Variants in ABHD2 observed in about 807,000 individuals in gnomAD.
ABHD2 encodes the protein monoacylglycerol lipase ABHD2.
In ABHD2, 20 loss-of-function variants were observed where a neutral mutation model predicts 48.1. That is an observed-to-expected ratio of 0.42 (90% CI 0.29 to 0.60). ABHD2 has a LOEUF of 0.60. Ranked by LOEUF, ABHD2 falls within the 20% of genes least tolerant of loss-of-function variation. ABHD2 has a pLI of 0.24. For synonymous variants in ABHD2, 209 were observed against 214.2 expected (o/e 0.98, Z 0.21); for missense variants, 405 against 550.9 (o/e 0.74, Z 2.65).
rs892298015 is a variant in ABHD2, at chr15:89,166,986, TATA to T, written c.539-8820_539-8818del. On this transcript the variant is annotated intron_variant, in intron 5 of 10. Coordinates refer to ENST00000352732, the MANE Select transcript of ABHD2 (RefSeq NM_152924.5). The surrounding 1 kb of genome is among the most constrained non-coding windows in gnomAD (Gnocchi z 4.6). ...TAAAAAGGGACTTTATTAATAACGTTATAATAATTCATAACTTTATTAATAACT... is the reference window on the plus strand; with the variant it reads ...TAAAAAGGGACTTTATTAATAACGTTATAATTCATAACTTTATTAATAACT... 8.1e-4 allele frequency among the ~76,000 whole-genome samples: 123 copies of T among 152,266 alleles called. No homozygotes were observed. Among genetic ancestry groups the T allele is most frequent in the African/African-American group, 2.9e-3 (120 of 41,544 alleles).
Position 89,151,163 on chromosome 15 carries a change from C to G in ABHD2, c.195-514C>G, listed in dbSNP as rs952830896. On this transcript the variant is annotated intron_variant, in intron 3 of 10. Transcript: ENST00000352732. The surrounding 1 kb of genome is among the most constrained non-coding windows in gnomAD (Gnocchi z 4.7). ...TCACCCCACAAGGCACTTACAGGCT[C>G]TTAGAAGAATTTGCAGCCCTTCCCA... Among the ~76,000 whole-genome samples the G allele has an allele frequency of 3.9e-5, 6 of 152,178 alleles. No individual in the cohort carries two copies. Among genetic ancestry groups the G allele is most frequent in the Non-Finnish European group, 8.8e-5 (6 of 68,030 alleles).
At position 89,193,100 on chromosome 15, in the gene ABHD2, C is replaced by T. The variant is rs1023407649; in HGVS notation, c.997-135C>T. 18 of 754,910 alleles carry T rather than the reference C, an allele frequency of 2.4e-5. No individual in the cohort carries two copies. In the South Asian group the frequency reaches 2.8e-4, roughly 12 times the overall value. The allele number at this position is 754,910 out of a possible 1,614,324, so 46.8% of individuals were successfully genotyped here. The stretch of plus-strand genomic sequence containing the variant: ...GAGAATACAAGGCGTCCTTCCTGTA[C>T]CTGTTCAGCAAGCTGAGCTGTGACC... On this transcript the variant is annotated intron_variant, in intron 9 of 10. Transcript: ENST00000352732.
chr15:89,162,703 CCA>C (rs930019303), intron 5 of ABHD2, among the ~76,000 whole-genome samples: 157 of 152,274 alleles, frequency 1.0e-3, no homozygotes, highest in African/African-American at 3.7e-3. Context: ...CCCCCCAACC[CCA>C]GTCATTATCT....
At chr15:89,127,421 A>T (rs1324454776) in intron 3 of ABHD2, among the ~76,000 whole-genome samples, 1 of 151,646 alleles carries the variant, frequency 6.6e-6, no homozygotes, top group Non-Finnish European at 1.5e-5. Context: ...GAGAAACAGC[A>T]GGTTATATGT....
In ABHD2 at chr15:89,116,756, C is replaced by A. The variant is rs1195648856; in HGVS notation, c.194+235C>A. Among the ~76,000 whole-genome samples the A allele has an allele frequency of 6.6e-6, 1 of 152,142 alleles. No individual in the cohort carries two copies. The highest frequency in any genetic ancestry group is 6.5e-5 in the Admixed American group (1 of 15,272). On this transcript the variant is annotated intron_variant, in intron 3 of 10. Transcript: ENST00000352732. The surrounding 1 kb of genome is among the most constrained non-coding windows in gnomAD (Gnocchi z 4.6). ...TTCCTCTACAGTGTGATGTCATTAT[C>A]CATGACAGGGACTTTGCAGAAAATA...
rs2050841166 is a variant in ABHD2, at chr15:89,166,565, T to C, written c.539-9247T>C. Among the ~76,000 whole-genome samples, 2 of 151,980 alleles carry C rather than the reference T, an allele frequency of 1.3e-5. No individual in the cohort carries two copies. Among genetic ancestry groups the C allele is most frequent in the Non-Finnish European group, 2.9e-5 (2 of 67,988 alleles). On this transcript the variant is annotated intron_variant, in intron 5 of 10. Transcript: ENST00000352732. The surrounding 1 kb of genome is among the most constrained non-coding windows in gnomAD (Gnocchi z 4.6). ...CTGCACTCCAGCCTGGGTGACAGAG[T>C]GAGACCCTGTCTCAAAAACAAAACA...
intron 5 of ABHD2, among the ~76,000 whole-genome samples, chr15:89,171,830 C>T (rs549968172): frequency 4.2e-4 from 64 of 152,286 alleles, no homozygotes; most frequent in African/African-American, 1.5e-3. Context: ...GTGGTTGCAC[C>T]TGAGGATCTT....
intron 3 of ABHD2, among the ~76,000 whole-genome samples, chr15:89,132,424 A>G (rs1339089682): frequency 6.6e-6 from 1 of 152,246 alleles, no homozygotes; most frequent in African/African-American, 2.4e-5. Context: ...CTAATTATCT[A>G]TAAAAATAGA....
intron 3 of ABHD2, among the ~76,000 whole-genome samples, chr15:89,125,787 T>C (rs2050121888): frequency 6.6e-6 from 1 of 152,212 alleles, no homozygotes; most frequent in Non-Finnish European, 1.5e-5. Flanking sequence ...GGAAGAAAAG[T>C]GCCGCCATCT....
chr15:89,129,792 T>TAAA (rs1013730794), intron 3 of ABHD2, among the ~76,000 whole-genome samples: 2 of 141,880 alleles, frequency 1.4e-5, no homozygotes, highest in African/African-American at 5.2e-5. Flanking sequence ...GTATGCTGAT[T>TAAA]AAAAAAAAAA....
At chr15:89,057,796 C>T in the ABHD2 span, among the ~76,000 whole-genome samples, 1 of 151,938 alleles carries the variant, frequency 6.6e-6, no homozygotes, top group Non-Finnish European at 1.5e-5. Flanking sequence ...AAGAAACAAA[C>T]CTGCCAGAAC....
At chr15:89,119,558 A>T (rs544751519) in intron 3 of ABHD2, among the ~76,000 whole-genome samples, 2 of 152,064 alleles carry the variant, frequency 1.3e-5, no homozygotes, top group South Asian at 4.2e-4. Context: ...TTTTCCTTTC[A>T]TTTTAGGGAT....
At position 89,155,405 on chromosome 15, in the gene ABHD2, CACAGCGAGAAGCAAT is replaced by C. The variant is rs1317487751; in HGVS notation, c.413_427del (p.Ser138_Tyr142del). 6.2e-7 allele frequency: 1 copy of C among 1,614,058 alleles called. No individual in the cohort carries two copies. Among genetic ancestry groups the C allele is most frequent in the Admixed American group, 1.7e-5 (1 of 59,996 alleles). On this transcript the variant is annotated inframe_deletion, in exon 5 of 11. Transcript: ENST00000352732. The surrounding 1 kb of genome is among the most constrained non-coding windows in gnomAD (Gnocchi z 4.9). ...GGTCATCTGCCCTGGAATTGCCAAT[CACAGCGAGAAGCAAT>C]ACATCCGCACTTTCGTTGACTACGC...
At chr15:89,056,337 T>C in the ABHD2 span, among the ~76,000 whole-genome samples, 1 of 152,134 alleles carries the variant, frequency 6.6e-6, no homozygotes, top group Non-Finnish European at 1.5e-5. Flanking sequence ...TATGTATGGA[T>C]TTTGCAACTT....
intron 5 of ABHD2, among the ~76,000 whole-genome samples, chr15:89,156,359 G>C (rs1365096205): frequency 2.6e-5 from 4 of 151,126 alleles, no homozygotes; most frequent in African/African-American, 9.7e-5. Context: ...CTGACCTCGT[G>C]ATCTGCCCAC....
Position 89,199,992 on chromosome 15 carries a change from C to G in ABHD2, c.*4569C>G, listed in dbSNP as rs1295678920. The G allele has an allele frequency of 6.6e-6, 1 of 152,586 alleles. No homozygotes were observed. Among genetic ancestry groups the G allele is most frequent in the African/African-American group, 2.4e-5 (1 of 41,440 alleles). 9.5% of individuals were successfully genotyped at this position (152,586 alleles called of 1,614,324 possible). A position where few individuals can be genotyped will look rare whatever the true frequency, so the allele number is the denominator to read the frequency against. ...TGCTGCTGCCTCGGAACGCTGCAGCCCAGGCTTCCTCCCACAGTGGCCCTT... is the reference window on the plus strand; with the variant it reads ...TGCTGCTGCCTCGGAACGCTGCAGCGCAGGCTTCCTCCCACAGTGGCCCTT... On this transcript the variant is annotated 3_prime_UTR_variant, in exon 11 of 11. Transcript: ENST00000352732. This position sits in a 1 kb window ranked among gnomAD's most constrained non-coding sequence, Gnocchi z 4.1.
At chr15:89,099,035 C>T (rs2049658833) in intron 1 of ABHD2, among the ~76,000 whole-genome samples, 1 of 152,122 alleles carries the variant, frequency 6.6e-6, no homozygotes, top group South Asian at 2.1e-4. Flanking sequence ...CTCACCAGGG[C>T]CTGGCACAGG....
In ABHD2 at chr15:89,185,989, C is replaced by T. The variant is rs1423971850; in HGVS notation, c.815+473C>T. ...CTGAAAAAAAAGAAAAGAAACCTGTCCCAAGCTACTGAATTTGCCAAATTG... is the reference window on the plus strand; with the variant it reads ...CTGAAAAAAAAGAAAAGAAACCTGTTCCAAGCTACTGAATTTGCCAAATTG... On this transcript the variant is annotated intron_variant, in intron 7 of 10. Coordinates refer to ENST00000352732, the MANE Select transcript of ABHD2 (RefSeq NM_152924.5). This position sits in a 1 kb window ranked among gnomAD's most constrained non-coding sequence, Gnocchi z 5.9. Among the ~76,000 whole-genome samples, 1 of 152,186 alleles carries T rather than the reference C, an allele frequency of 6.6e-6. No individual in the cohort carries two copies. Among genetic ancestry groups the T allele is most frequent in the Non-Finnish European group, 1.5e-5 (1 of 68,022 alleles).
At chr15:89,165,897 T>G (rs1043405581) in intron 5 of ABHD2, among the ~76,000 whole-genome samples, 3 of 152,216 alleles carry the variant, frequency 2.0e-5, no homozygotes, top group African/African-American at 7.2e-5. Context: ...TTCTTCTGTC[T>G]CTCTTTGGCC....
Sources: allele counts gnomAD v4.1 joint callset (sites outside exome capture counted in the v4.1 genomes callset), GRCh38; gene constraint gnomAD v4.1.1; non-coding constraint Gnocchi (gnomAD v3.1); transcripts MANE v1.5; gene names NCBI Gene and HGNC (gene_info 2026-07-23, HGNC 2026-07-21).